The following RIPOR2 variants were observed in gnomAD, a reference collection of about 807,000 sequenced individuals.
The protein encoded by RIPOR2 is rho family-interacting cell polarization regulator 2.
RIPOR2 carries 39 observed loss-of-function variants against 114.5 expected under a neutral mutation model. That is an observed-to-expected ratio of 0.34 (90% CI 0.26 to 0.44). RIPOR2 has a LOEUF of 0.44. Ranked by LOEUF, RIPOR2 falls within the 20% of genes least tolerant of loss-of-function variation. RIPOR2 has a pLI of 1.00. For missense variants in RIPOR2, 1,007 were observed against 1,255.1 expected (o/e 0.80, Z 2.99); for synonymous variants, 445 against 484.4 (o/e 0.92, Z 1.07).
In RIPOR2 at chr6:24,858,820, G is replaced by A. The variant is rs865978537; in HGVS notation, c.715+2153C>T. On this transcript the variant is annotated intron_variant, in intron 8 of 21. Transcript: ENST00000643898. The surrounding 1 kb of genome is among the most constrained non-coding windows in gnomAD (Gnocchi z 4.0). Reference sequence around the variant, plus strand: ...CAGTCCATCAGGGCTGCGATGTAGCGGGGTGGCCAGGTCCCCCAGTAGGTG... The same window carrying A: ...CAGTCCATCAGGGCTGCGATGTAGCAGGGTGGCCAGGTCCCCCAGTAGGTG... 2.0e-5 allele frequency among the ~76,000 whole-genome samples: 3 copies of A among 152,072 alleles called. No homozygotes were observed. Among genetic ancestry groups the A allele is most frequent in the South Asian group, 4.1e-4 (2 of 4,824 alleles).
chr6:25,042,042 C>G, upstream of RIPOR2: 2 of 479,748 alleles, frequency 4.2e-6, no homozygotes, highest in Admixed American at 4.4e-5. Context: ...TAACCCCCCC[C>G]TTTTTGTTCT....
At chr6:24,852,071 C>G (rs1004361358) in intron 9 of RIPOR2, among the ~76,000 whole-genome samples, 1 of 151,944 alleles carries the variant, frequency 6.6e-6, no homozygotes, top group Non-Finnish European at 1.5e-5. Flanking sequence ...ACCAGCCTGG[C>G]CAACATGGTG....
rs149513879 is a variant in RIPOR2, at chr6:24,844,586, T to A, written c.1165-1032A>T. On this transcript the variant is annotated intron_variant, in intron 12 of 21. Coordinates refer to ENST00000643898, the MANE Select transcript of RIPOR2 (RefSeq NM_001286445.3). ...CCTGAGTTCAAGTGATTCTCCTGCC[T>A]CAGCCTCCCAAGTAGCTAGGATTAC... Among the ~76,000 whole-genome samples the A allele has an allele frequency of 5.6e-3, 853 of 152,162 alleles. 8 individuals carry two copies. Among genetic ancestry groups the A allele is most frequent in the African/African-American group, 0.013 (558 of 41,516 alleles).
At chr6:24,973,695 G>A (rs995619134) in intron 1 of RIPOR2, among the ~76,000 whole-genome samples, 6 of 151,702 alleles carry the variant, frequency 4.0e-5, no homozygotes, top group Non-Finnish European at 7.4e-5. Flanking sequence ...AATCAATCTA[G>A]GTGCCCATCA....
At chr6:24,822,076 T>A (rs4712856) in intron 19 of RIPOR2, among the ~76,000 whole-genome samples, 4 of 152,088 alleles carry the variant, frequency 2.6e-5, no homozygotes, top group African/African-American at 9.7e-5. Flanking sequence ...GTCCAGCTTG[T>A]GTAACAAAGT....
intron 19 of RIPOR2, 89 bp from the exon 20 acceptor site, chr6:24,818,714 A>G: frequency 1.4e-6 from 1 of 696,272 alleles, no homozygotes; most frequent in Non-Finnish European, 2.4e-6. Context: ...GAGATAAACT[A>G]TAGCATATAA....
intron 1 of RIPOR2, among the ~76,000 whole-genome samples, chr6:25,021,023 AT>A (rs1776294676): frequency 2.0e-5 from 3 of 151,748 alleles, no homozygotes; most frequent in South Asian, 4.2e-4. Context: ...TGCCTGGCTA[AT>A]TTTTTTGTAT....
chr6:24,833,528 C>A (rs571431874), intron 15 of RIPOR2, among the ~76,000 whole-genome samples: 10 of 151,258 alleles, frequency 6.6e-5, no homozygotes, highest in South Asian at 2.1e-4. Context: ...ACAACAACAA[C>A]AAAAAAACAA....
chr6:25,028,842 C>T (rs78224082), intron 1 of RIPOR2, among the ~76,000 whole-genome samples: 1,983 of 152,220 alleles, frequency 0.013, 30 homozygotes, highest in East Asian at 0.042. Context: ...TGGTCCACAC[C>T]AGGGTGGGAA....
intron 1 of RIPOR2, among the ~76,000 whole-genome samples, chr6:24,957,634 G>A (rs1303384321): frequency 6.6e-6 from 1 of 152,192 alleles, no homozygotes; most frequent in Non-Finnish European, 1.5e-5. Context: ...AACACTATGG[G>A]AGGCCGAGGC....
intron 14 of RIPOR2, 98 bp downstream of exon 14, chr6:24,838,993 T>G: frequency 9.8e-7 from 1 of 1,015,780 alleles, no homozygotes; most frequent in East Asian, 2.6e-5. Flanking sequence ...AGTTTTATCT[T>G]CCTGGAAATG....
At chr6:24,976,782 T>A in intron 1 of RIPOR2, 2 of 1,611,578 alleles carry the variant, frequency 1.2e-6, no homozygotes, top group South Asian at 2.2e-5. Context: ...ATCTTGTCCA[T>A]GGCAAATGCT....
Position 24,917,589 on chromosome 6 carries a change from G to A in RIPOR2, c.61+18249C>T, listed in dbSNP as rs1344031614. Among the ~76,000 whole-genome samples, 7 of 152,140 alleles carry A rather than the reference G, an allele frequency of 4.6e-5. No homozygotes were observed. The East Asian group carries it at 1.3e-3, about 29-fold the overall frequency. ...CTGTCACCCAGGCTGGAGTGCAATG[G>A]CGCGATCTTGCCTCACTGCAACCTC... is the stretch of plus-strand genomic sequence containing the variant. On this transcript the variant is annotated intron_variant, in intron 1 of 21. Coordinates refer to ENST00000643898, the MANE Select transcript of RIPOR2 (RefSeq NM_001286445.3).
In RIPOR2 at chr6:24,875,765, C is replaced by T. The variant is rs2295197; in HGVS notation, c.114G>A (p.Ser38=). The part of the protein sequence containing the change: ...EIMLVGSQSF[S]PGGPNGIIRS... ...TAATGATCCCATTGGGCCCTCCAGG[C>T]GAAAAAGACTGGGATCCTACCAACA... The change falls in exon 2 of 22, where the codon TCG becomes TCA. Residue 38 remains serine (S), a synonymous_variant. Coordinates refer to ENST00000643898, the MANE Select transcript of RIPOR2 (RefSeq NM_001286445.3). 19 of 1,613,308 alleles carry T rather than the reference C, an allele frequency of 1.2e-5. No individual in the cohort carries two copies. Among genetic ancestry groups the T allele is most frequent in the African/African-American group, 1.1e-4 (8 of 74,872 alleles).
At chr6:24,984,651 C>CAA (rs34218427) in intron 1 of RIPOR2, among the ~76,000 whole-genome samples, 1,841 of 148,056 alleles carry the variant, frequency 0.012, 32 homozygotes, top group African/African-American at 0.03. Context: ...CCCCGTCTCT[C>CAA]AAAAAAAAAA....
intron 1 of RIPOR2, among the ~76,000 whole-genome samples, chr6:25,032,786 T>C (rs1777055324): frequency 6.6e-6 from 1 of 152,230 alleles, no homozygotes; most frequent in South Asian, 2.1e-4. Flanking sequence ...ACACTTAAAG[T>C]GTCCCAAACT....
chr6:24,866,518 ATTTT>A (rs59177662), intron 6 of RIPOR2, among the ~76,000 whole-genome samples: 16 of 136,740 alleles, frequency 1.2e-4, no homozygotes, highest in Admixed American at 2.2e-4. Context: ...AGGGTTGAAA[ATTTT>A]TTTTTTTTTT....
At chr6:24,974,800 T>A (rs1773959989) in intron 1 of RIPOR2, among the ~76,000 whole-genome samples, 2 of 152,332 alleles carry the variant, frequency 1.3e-5, no homozygotes, top group South Asian at 4.1e-4. Context: ...CAGTGCAAGA[T>A]TACTTGGCAA....
chr6:24,821,668 G>C (rs949365850), intron 19 of RIPOR2, among the ~76,000 whole-genome samples: 1 of 152,160 alleles, frequency 6.6e-6, no homozygotes, highest in Non-Finnish European at 1.5e-5. Context: ...CTACTCACTT[G>C]AGGGTGAGCA....
Sources: gnomAD v4.1 joint callset for allele counts (sites outside exome capture counted in the v4.1 genomes callset) on GRCh38, gnomAD v4.1.1 for gene constraint, Gnocchi (gnomAD v3.1) non-coding constraint, MANE v1.5 for transcripts, NCBI Gene and HGNC (gene_info 2026-07-23, HGNC 2026-07-21) for gene names.